MLC1: variants seen among roughly 807,000 people sequenced by gnomAD.
MLC1 encodes the protein membrane protein MLC1.
In MLC1, 32 loss-of-function variants were observed where a neutral mutation model predicts 44.7. The observed-to-expected ratio is 0.72, with a 90% CI of 0.54 to 0.96. The LOEUF is 0.96. Ranked by LOEUF, MLC1 falls within the 40% of genes least tolerant of loss-of-function variation. MLC1 has a pLI of 0.00. For synonymous variants in MLC1, 190 were observed against 213.0 expected (o/e 0.89, Z 0.94); for missense variants, 459 against 492.2 (o/e 0.93, Z 0.64).
At chr22:50,062,191 A>C (rs1319984769) in intron 11 of MLC1, among the ~76,000 whole-genome samples, 1 of 97,608 alleles carries the variant, frequency 1.0e-5, no homozygotes, top group Non-Finnish European at 1.9e-5. Flanking sequence ...CCAGCCATCC[A>C]CCCTGAGCCC....
intron 10 of MLC1, among the ~76,000 whole-genome samples, chr22:50,067,567 C>CCCCCCGTCAGGCAGTGATTCCAT: frequency 1.5e-5 from 1 of 68,238 alleles, no homozygotes; most frequent in African/African-American, 5.5e-5. Flanking sequence ...GTGACTCCAT[C>CCCCCCGTCAGGCAGTGATTCCAT]CCCCCGTCAG....
At chr22:50,077,651 T>A (rs2062018085) in intron 5 of MLC1, 149 bp from the exon 6 acceptor site, 5 of 702,088 alleles carry the variant, frequency 7.1e-6, no homozygotes, top group Non-Finnish European at 1.3e-5. Context: ...TGTGAGGCAC[T>A]GTGGGCTGCA....
chr22:50,061,433 C>G lies in MLC1; in HGVS notation c.*150G>C. ...TGGCCTATTTTAAAATTAAACTACC[C>G]TAGGAAGTGAAAACCCCACCTGCAG... On this transcript the variant is annotated 3_prime_UTR_variant, in exon 12 of 12. Transcript: ENST00000311597. 2.5e-6 allele frequency: 2 copies of G among 811,610 alleles called. No homozygotes were observed. The highest frequency in any genetic ancestry group is 2.8e-5 in the South Asian group (2 of 70,214). 50.3% of individuals were successfully genotyped at this position (811,610 alleles called of 1,614,324 possible).
rs1360565257 is a variant in MLC1, at chr22:50,083,987, C to T, written c.177+739G>A. On this transcript the variant is annotated intron_variant, in intron 2 of 11. Coordinates refer to ENST00000311597, the MANE Select transcript of MLC1 (RefSeq NM_015166.4). The surrounding 1 kb of genome is among the most constrained non-coding windows in gnomAD (Gnocchi z 4.6). ...GTCTTGGTGGGGCATGCTCAGGCCA[C>T]GGGAGGTGGGCAGGACCACTGTGGG... 6.6e-6 allele frequency among the ~76,000 whole-genome samples: 1 copy of T among 152,068 alleles called. No individual in the cohort carries two copies. The highest frequency in any genetic ancestry group is 2.4e-5 in the African/African-American group (1 of 41,410).
rs1478388324 is a variant in MLC1 at position 50,063,981 on chromosome 22, C to A, written c.1059+53G>T. The A allele has an allele frequency of 5.9e-6, 9 of 1,523,630 alleles. No homozygotes were observed. In the East Asian group the frequency reaches 1.9e-4, roughly 32 times the overall value. 94.4% of individuals were successfully genotyped at this position (1,523,630 alleles called of 1,614,324 possible). On this transcript the variant is annotated intron_variant, in intron 11 of 11. Transcript: ENST00000311597. ...GGCTTCTCACCTCCCTGGCTGGGCA[C>A]CCCCGTGGGCCACTCACCTCCCCAG...
rs2146948286 is a variant in MLC1, at chr22:50,085,377, G to A, written c.-82C>T. The A allele has an allele frequency of 4.3e-6, 1 of 233,766 alleles. No individual in the cohort carries two copies. The highest frequency in any genetic ancestry group is 8.1e-6 in the Non-Finnish European group (1 of 122,764). The allele number at this position is 233,766 out of a possible 1,614,324, so 14.5% of individuals were successfully genotyped here. ...TACCTCCCCCGCTGCTCTGCCGTTG[G>A]GAGCACTGGTCTCTGGGTGAGGGAC... is the stretch of plus-strand genomic sequence containing the variant. On this transcript the variant is annotated 5_prime_UTR_variant, in exon 1 of 12. Transcript: ENST00000311597.
intron 10 of MLC1, among the ~76,000 whole-genome samples, chr22:50,064,489 G>T (rs576065391): frequency 2.0e-5 from 3 of 152,192 alleles, no homozygotes; most frequent in Non-Finnish European, 4.4e-5. Flanking sequence ...TGGTCAAGTC[G>T]CTCCACCCCT....
chr22:50,061,804 C>A, intron 11 of MLC1, 147 bp from the exon 12 acceptor site: 1 of 742,690 alleles, frequency 1.3e-6, no homozygotes, highest in Non-Finnish European at 2.3e-6. Context: ...AACCCCTGGG[C>A]CTCTGTGGAA....
Position 50,080,368 on chromosome 22 carries a change from G to C in MLC1, c.297C>G (p.Thr99=). The change falls in exon 4 of 12, where the codon ACC becomes ACG. Residue 99 remains threonine (T), a synonymous_variant. Transcript: ENST00000311597. ...CCACATTGGCGTTCCTCCTGGAGACGGTGAAGCTCACAATTGCCGAGGGGA... is the reference window on the plus strand; with the variant it reads ...CCACATTGGCGTTCCTCCTGGAGACCGTGAAGCTCACAATTGCCGAGGGGA... ...SCIPSAIVSF[T]VSRRNANVIP... The C allele has an allele frequency of 1.2e-6, 2 of 1,607,810 alleles. No individual in the cohort carries two copies. Among genetic ancestry groups the C allele is most frequent in the Non-Finnish European group, 1.7e-6 (2 of 1,177,066 alleles).
chr22:50,074,539 T>A (rs1000323577), intron 7 of MLC1: 1 of 599,212 alleles, frequency 1.7e-6, no homozygotes, highest in Non-Finnish European at 3.0e-6. Context: ...ACGTCCCTCC[T>A]GGAGTAAAAT....
In MLC1 at chr22:50,059,977, G is replaced by GGGTC. The variant is rs1220461274; in HGVS notation, c.*1602_*1605dup. 1 of 152,320 alleles carries GGGTC rather than the reference G, an allele frequency of 6.6e-6. No homozygotes were observed. Among genetic ancestry groups the GGGTC allele is most frequent in the African/African-American group, 2.4e-5 (1 of 41,452 alleles). The allele number at this position is 152,320 out of a possible 1,614,324, so 9.4% of individuals were successfully genotyped here. A position where few individuals can be genotyped will look rare whatever the true frequency, so the allele number is the denominator to read the frequency against. Reference sequence around the variant, plus strand: ...CTGTTCCGCAGTGGGAAACCTGGGAGGGTCCTCAAACCCCCTGGCAGGGTC... The same window carrying GGGTC: ...CTGTTCCGCAGTGGGAAACCTGGGAGGGTCGGTCCTCAAACCCCCTGGCAGGGTC... On this transcript the variant is annotated 3_prime_UTR_variant, in exon 12 of 12. Coordinates refer to ENST00000311597, the MANE Select transcript of MLC1 (RefSeq NM_015166.4).
intron 9 of MLC1, among the ~76,000 whole-genome samples, chr22:50,069,883 C>T (rs944157594): frequency 6.6e-5 from 10 of 152,024 alleles, no homozygotes; most frequent in African/African-American, 2.2e-4. Flanking sequence ...TAACGATCGA[C>T]CAGTTCAATT....
chr22:50,065,556 C>G (rs183029035), intron 10 of MLC1, among the ~76,000 whole-genome samples: 1 of 152,322 alleles, frequency 6.6e-6, no homozygotes, highest in Non-Finnish European at 1.5e-5. Context: ...GGAAAATGGT[C>G]AGGAGACATG....
In MLC1 at chr22:50,083,177, C is replaced by T. The variant is rs1490827367; in HGVS notation, c.178-4G>A. On this transcript the variant is annotated splice_polypyrimidine_tract_variant and splice_region_variant and intron_variant, in intron 2 of 11. Coordinates refer to ENST00000311597, the MANE Select transcript of MLC1 (RefSeq NM_015166.4). This position sits in a 1 kb window ranked among gnomAD's most constrained non-coding sequence, Gnocchi z 4.6. ...CCGAGGTCACCAGGAGGCAGCTCTGCAAGACAGCGACAGAATCCCAGGTTA... is the reference window on the plus strand; with the variant it reads ...CCGAGGTCACCAGGAGGCAGCTCTGTAAGACAGCGACAGAATCCCAGGTTA... 1 of 1,613,672 alleles carries T rather than the reference C, an allele frequency of 6.2e-7. No individual in the cohort carries two copies. Among genetic ancestry groups the T allele is most frequent in the African/African-American group, 1.3e-5 (1 of 75,024 alleles).
intron 8 of MLC1, among the ~76,000 whole-genome samples, chr22:50,071,581 A>G: frequency 6.6e-6 from 1 of 151,982 alleles, no homozygotes; most frequent in Non-Finnish European, 1.5e-5. Context: ...GTGGGACAGG[A>G]TTTCCTCATG....
intron 5 of MLC1, 61 bp downstream of exon 5, chr22:50,079,857 A>G: frequency 8.4e-7 from 1 of 1,195,008 alleles, no homozygotes; most frequent in East Asian, 2.3e-5. Context: ...ATTTGCTGAC[A>G]CCATTCGTGG....
chr22:50,077,019 G>C, intron 6 of MLC1, 107 bp from the exon 7 acceptor site: 1 of 1,178,744 alleles, frequency 8.5e-7, no homozygotes. Context: ...CTGCCGTGTA[G>C]ATGCGAGACC....
chr22:50,062,215 T>G (rs1253020458), intron 11 of MLC1, among the ~76,000 whole-genome samples: 1 of 121,936 alleles, frequency 8.2e-6, no homozygotes, highest in African/African-American at 3.2e-5. Flanking sequence ...CCGTCCACCC[T>G]GAGCCCCAGC....
chr22:50,082,509 C>T (rs1344697880), intron 3 of MLC1, among the ~76,000 whole-genome samples: 2 of 152,234 alleles, frequency 1.3e-5, no homozygotes, highest in Non-Finnish European at 1.5e-5. Flanking sequence ...CAGATGCTGC[C>T]AGCTCTGGCA....
Sources: gnomAD v4.1 joint callset for allele counts (sites outside exome capture counted in the v4.1 genomes callset) on GRCh38, gnomAD v4.1.1 for gene constraint, Gnocchi (gnomAD v3.1) non-coding constraint, MANE v1.5 for transcripts, NCBI Gene and HGNC (gene_info 2026-07-23, HGNC 2026-07-21) for gene names.